SNX29: variants seen among roughly 807,000 people sequenced by gnomAD.
The protein encoded by SNX29 is sorting nexin-29.
SNX29 carries 78 observed loss-of-function variants against 102.1 expected under a neutral mutation model. The observed-to-expected ratio is 0.76, with a 90% CI of 0.64 to 0.92. The LOEUF (loss-of-function observed/expected upper bound fraction) is 0.92. Among genes scored for constraint, SNX29 ranks in the 40% least tolerant of loss-of-function variants. The pLI is 0.00. For missense variants in SNX29, 1,280 were observed against 1,061.7 expected (o/e 1.21, Z -2.86); for synonymous variants, 580 against 414.5 (o/e 1.40, Z -4.85).
chr16:12,132,457 T>C (rs1341030839), intron 13 of SNX29, among the ~76,000 whole-genome samples: 1 of 152,218 alleles, frequency 6.6e-6, no homozygotes, highest in Non-Finnish European at 1.5e-5. Flanking sequence ...CTTTGCATCA[T>C]TACTTGCAAA....
At chr16:12,135,249 C>G (rs1220715365) in intron 13 of SNX29, among the ~76,000 whole-genome samples, 1 of 152,182 alleles carries the variant, frequency 6.6e-6, no homozygotes, top group African/African-American at 2.4e-5. Flanking sequence ...GTTGATCTAG[C>G]TATCTGGGCA....
intron 12 of SNX29, among the ~76,000 whole-genome samples, chr16:12,127,301 G>A (rs1260470585): frequency 4.0e-5 from 6 of 151,818 alleles, no homozygotes; most frequent in African/African-American, 1.4e-4. Context: ...AATGAAGTGT[G>A]TAATTCAGTA....
At chr16:12,030,042 C>G (rs1320288205) in intron 4 of SNX29, among the ~76,000 whole-genome samples, 1 of 152,216 alleles carries the variant, frequency 6.6e-6, no homozygotes, top group African/African-American at 2.4e-5. Flanking sequence ...TCTTCCCTGT[C>G]TGTTCGGCAG....
intron 15 of SNX29, among the ~76,000 whole-genome samples, chr16:12,296,906 A>G (rs2080000222): frequency 6.6e-6 from 1 of 152,220 alleles, no homozygotes; most frequent in Non-Finnish European, 1.5e-5. Flanking sequence ...TTTGGACCAC[A>G]TAATCGTTTG....
chr16:12,085,201 C>T (rs12446855), intron 11 of SNX29, among the ~76,000 whole-genome samples: 39,585 of 152,166 alleles, frequency 0.26, 6,520 homozygotes, highest in Non-Finnish European at 0.37. Flanking sequence ...TCTGTCAGCT[C>T]TTACCACCAG....
chr16:12,160,151 AG>A (rs2055722331), intron 13 of SNX29, among the ~76,000 whole-genome samples: 2 of 152,164 alleles, frequency 1.3e-5, no homozygotes, highest in African/African-American at 4.8e-5. Flanking sequence ...GATGCTGGTG[AG>A]GCCTGGGTGG....
rs1315459855 is a variant in SNX29 at position 12,199,640 on chromosome 16, A to G, written c.1635A>G (p.Val545=). 3 of 1,613,346 alleles carry G rather than the reference A, an allele frequency of 1.9e-6. No individual in the cohort carries two copies. The highest frequency in any genetic ancestry group is 1.7e-5 in the Admixed American group (1 of 59,974). ...EVLKVQLKKY[V]GAVQMLKREG... Reference sequence around the variant, plus strand: ...TCAAAGTCCAACTGAAGAAATATGTAGGAGCTGTCCAGATGCTGAAAAGAG... The same window carrying G: ...TCAAAGTCCAACTGAAGAAATATGTGGGAGCTGTCCAGATGCTGAAAAGAG... The change falls in exon 14 of 21, where the codon GTA becomes GTG. Residue 545 remains valine, a synonymous_variant. Coordinates refer to ENST00000566228, the MANE Select transcript of SNX29 (RefSeq NM_032167.5).
intron 19 of SNX29, among the ~76,000 whole-genome samples, chr16:12,493,632 C>T (rs2088662832): frequency 6.6e-6 from 1 of 152,202 alleles, no homozygotes; most frequent in Admixed American, 6.5e-5. Context: ...CTCACTCTTG[C>T]CCAGGCTGGA....
intron 18 of SNX29, chr16:12,442,982 G>A (rs1306016185): frequency 2.2e-6 from 1 of 455,432 alleles, no homozygotes; most frequent in Non-Finnish European, 4.4e-6. Flanking sequence ...CTTTTCTTTT[G>A]ATTTTTTTCC....
At chr16:12,068,696 C>T (rs1372869852) in intron 9 of SNX29, among the ~76,000 whole-genome samples, 1 of 152,110 alleles carries the variant, frequency 6.6e-6, no homozygotes, top group African/African-American at 2.4e-5. Context: ...AGTCGTGCAC[C>T]AACACGCCCA....
At chr16:12,244,059 A>G (rs1341983953) in intron 14 of SNX29, among the ~76,000 whole-genome samples, 1 of 152,164 alleles carries the variant, frequency 6.6e-6, no homozygotes, top group Non-Finnish European at 1.5e-5. Flanking sequence ...TGCTCAGCCT[A>G]GATCCCATGG....
At chr16:12,037,285 A>C (rs1352024311) in intron 4 of SNX29, among the ~76,000 whole-genome samples, 1 of 152,090 alleles carries the variant, frequency 6.6e-6, no homozygotes, top group Non-Finnish European at 1.5e-5. Context: ...AACAGTTTGG[A>C]GGCCAAATTT....
At chr16:12,002,626 G>A (rs1452349125) in intron 2 of SNX29, among the ~76,000 whole-genome samples, 1 of 152,204 alleles carries the variant, frequency 6.6e-6, no homozygotes, top group Non-Finnish European at 1.5e-5. Context: ...TATAGAAGTT[G>A]TAATTATCGC....
At chr16:12,338,536 T>G (rs2081520773) in intron 15 of SNX29, among the ~76,000 whole-genome samples, 1 of 152,226 alleles carries the variant, frequency 6.6e-6, no homozygotes, top group South Asian at 2.1e-4. Context: ...TCAGGAAATC[T>G]GTATCATTAA....
rs141118590 is a variant in SNX29, at chr16:12,101,978, C to T, written c.1402+23063C>T. Among the ~76,000 whole-genome samples the T allele has an allele frequency of 2.5e-3, 374 of 152,256 alleles. 2 individuals are homozygous for T. Among genetic ancestry groups the T allele is most frequent in the Non-Finnish European group, 4.0e-3 (275 of 68,028 alleles). On this transcript the variant is annotated intron_variant, in intron 11 of 20. Transcript: ENST00000566228. ...TCCCCTCCCTGTGTCCATGTGTTCT[C>T]ATTGTTCAACTCCCACCTATGAGTG...
At chr16:12,221,543 G>T (rs1045656233) in intron 14 of SNX29, among the ~76,000 whole-genome samples, 1 of 152,334 alleles carries the variant, frequency 6.6e-6, no homozygotes, top group South Asian at 2.1e-4. Flanking sequence ...GAACCCGGGA[G>T]GTGGAGGTTG....
At chr16:12,564,974 C>T (rs866883690) in intron 20 of SNX29, among the ~76,000 whole-genome samples, 5 of 150,282 alleles carry the variant, frequency 3.3e-5, no homozygotes, top group Middle Eastern at 3.6e-3. Flanking sequence ...AAATGTGAGG[C>T]GTTTCAGCTT....
chr16:12,519,967 G>A (rs948824749), intron 19 of SNX29, among the ~76,000 whole-genome samples: 10 of 152,072 alleles, frequency 6.6e-5, no homozygotes, highest in African/African-American at 2.4e-4. Context: ...CTGGGCGACA[G>A]AGCGAGACTC....
chr16:12,215,225 C>T (rs1208609533), intron 14 of SNX29, among the ~76,000 whole-genome samples: 1 of 151,410 alleles, frequency 6.6e-6, no homozygotes. Context: ...CTGGGCACGG[C>T]GGCTTCCACC....
Sources: allele counts gnomAD v4.1 joint callset (sites outside exome capture counted in the v4.1 genomes callset), GRCh38; gene constraint gnomAD v4.1.1; transcripts MANE v1.5; gene names NCBI Gene and HGNC (gene_info 2026-07-23, HGNC 2026-07-21).